Variants in NFIX observed in about 807,000 individuals in gnomAD.
The protein encoded by NFIX is nuclear factor I X.
A neutral mutation model predicts 53.3 loss-of-function variants in NFIX; 2 were observed. That is an observed-to-expected ratio of 0.04 (90% CI 0.02 to 0.12). NFIX has a LOEUF of 0.12. Ranked by LOEUF, NFIX falls within the 10% of genes least tolerant of loss-of-function variation. The pLI, the probability that NFIX is intolerant of heterozygous loss-of-function variation, is 1.00. For synonymous variants in NFIX, 244 were observed against 289.0 expected, an observed-to-expected ratio of 0.84 and a Z score of 1.58; for missense variants, 310 against 674.5, an observed-to-expected ratio of 0.46 and a Z score of 5.99.
Position 13,093,235 on chromosome 19 carries a change from G to A in NFIX, c.1495-1400G>A, listed in dbSNP as rs952595309. On this transcript the variant is annotated intron_variant, in intron 10 of 10. Coordinates refer to ENST00000592199, the MANE Select transcript of NFIX (RefSeq NM_001365902.3). This position sits in a 1 kb window ranked among gnomAD's most constrained non-coding sequence, Gnocchi z 4.7. ...GAGAACATTTCCATTGTCACAGAAAGTGCTAGATGATCTCCAAGGCCCTTT... is the reference window on the plus strand; with the variant it reads ...GAGAACATTTCCATTGTCACAGAAAATGCTAGATGATCTCCAAGGCCCTTT... Among the ~76,000 whole-genome samples the A allele has an allele frequency of 1.3e-5, 2 of 152,242 alleles. No homozygotes were observed. The highest frequency in any genetic ancestry group is 2.9e-5 in the Non-Finnish European group (2 of 68,048).
At chr19:13,033,432 C>T (rs2013961666) in intron 2 of NFIX, among the ~76,000 whole-genome samples, 1 of 152,198 alleles carries the variant, frequency 6.6e-6, no homozygotes, top group African/African-American at 2.4e-5. Flanking sequence ...CACCAGCTGC[C>T]ATGGACTATC....
intron 2 of NFIX, among the ~76,000 whole-genome samples, chr19:13,044,320 GGTGGGAT>G (rs2014841602): frequency 6.6e-6 from 1 of 152,228 alleles, no homozygotes; most frequent in African/African-American, 2.4e-5. Flanking sequence ...CGCAGTCGTG[GGTGGGAT>G]GCATATGTTC....
intron 2 of NFIX, among the ~76,000 whole-genome samples, chr19:13,064,328 T>C (rs996357972): frequency 6.6e-6 from 1 of 152,232 alleles, no homozygotes; most frequent in African/African-American, 2.4e-5. Context: ...CCCATGGGCC[T>C]GTGCCTGTGC....
chr19:13,008,732 C>G (rs991710081), intron 1 of NFIX, among the ~76,000 whole-genome samples: 1 of 152,144 alleles, frequency 6.6e-6, no homozygotes, highest in Admixed American at 6.6e-5. Flanking sequence ...ATGCTCTGAG[C>G]CCCCTGATGA....
chr19:13,000,572 G>A (rs77543210), intron 1 of NFIX, among the ~76,000 whole-genome samples: 12,463 of 151,822 alleles, frequency 0.082, 690 homozygotes, highest in Non-Finnish European at 0.12. Flanking sequence ...GGGGCAGGAG[G>A]GGAGAGACGA....
chr19:13,009,492 A>C lies in NFIX; in HGVS notation c.27+13628A>C, dbSNP rs1157858279. ...GATTCCCAGGAGTGAGCAAGACTTA[A>C]ACAGGTTCACTCCAGCTTTTCATCC... On this transcript the variant is annotated intron_variant, in intron 1 of 10. Transcript: ENST00000592199. This position sits in a 1 kb window ranked among gnomAD's most constrained non-coding sequence, Gnocchi z 4.7. Among the ~76,000 whole-genome samples, 3 of 152,134 alleles carry C rather than the reference A, an allele frequency of 2.0e-5. No individual in the cohort carries two copies. Among genetic ancestry groups the C allele is most frequent in the Non-Finnish European group, 4.4e-5 (3 of 68,016 alleles).
At chr19:13,082,041 G>A (rs2017502091) in intron 8 of NFIX, 186 bp downstream of exon 8, 3 of 649,236 alleles carry the variant, frequency 4.6e-6, no homozygotes. Flanking sequence ...TATTATGCCA[G>A]GGCTTGTCTA....
Position 13,011,788 on chromosome 19 carries a change from C to T in NFIX, c.28-13233C>T, listed in dbSNP as rs925974270. On this transcript the variant is annotated intron_variant, in intron 1 of 10. Transcript: ENST00000592199. The surrounding 1 kb of genome is among the most constrained non-coding windows in gnomAD (Gnocchi z 6.5). ...CCAAGTGCGCCCCTCGACAGGTGCC[C>T]GTCGCCCACAGGCTCCTTTCATTGT... Among the ~76,000 whole-genome samples the T allele has an allele frequency of 3.9e-5, 6 of 152,162 alleles. No individual in the cohort carries two copies. The highest frequency in any genetic ancestry group is 1.2e-4 in the African/African-American group (5 of 41,438).
At position 13,081,827 on chromosome 19, in the gene NFIX, CG is replaced by C; in HGVS notation, c.1228del (p.Asp410MetfsTer53). On this transcript the variant is annotated frameshift_variant, in exon 8 of 11. Transcript: ENST00000592199. LOFTEE classifies it high-confidence loss of function. This position sits in a 1 kb window ranked among gnomAD's most constrained non-coding sequence, Gnocchi z 4.7. ...SLKEFVQFVCSDGSGQATGQP... is the reference protein window; with the variant it reads ...SLKEFVQFVCXDGSGQATGQP... ...AAGGAGTTTGTGCAGTTTGTGTGCT[CG>C]GATGGCTCGGGCCAGGCCACCGGAC... The C allele has an allele frequency of 6.2e-7, 1 of 1,613,938 alleles. No individual in the cohort carries two copies. The highest frequency in any genetic ancestry group is 2.2e-5 in the East Asian group (1 of 44,876).
rs891380050 is a variant in NFIX at position 12,996,628 on chromosome 19, TC to T, written c.27+765del. On this transcript the variant is annotated intron_variant, in intron 1 of 10. Transcript: ENST00000592199. The surrounding 1 kb of genome is among the most constrained non-coding windows in gnomAD (Gnocchi z 5.2). ...CCCAAACTTTCCTCGGCGCAAACTT[TC>T]TGGCCCCAGCGACCCGGGCTGCTGC... Among the ~76,000 whole-genome samples, 4 of 152,144 alleles carry T rather than the reference TC, an allele frequency of 2.6e-5. No individual in the cohort carries two copies. The highest frequency in any genetic ancestry group is 9.7e-5 in the African/African-American group (4 of 41,436).
chr19:13,003,887 G>A (rs1011525187), intron 1 of NFIX, among the ~76,000 whole-genome samples: 1 of 152,020 alleles, frequency 6.6e-6, no homozygotes, highest in Non-Finnish European at 1.5e-5. Context: ...CAGTTCTCCC[G>A]CTTCACCCTC....
chr19:13,038,903 G>T (rs2014407697), intron 2 of NFIX, among the ~76,000 whole-genome samples: 1 of 152,180 alleles, frequency 6.6e-6, no homozygotes, highest in South Asian at 2.1e-4. Context: ...TTTGAGTTTG[G>T]ACTTGAGATT....
At chr19:13,065,475 T>C (rs1465557231) in intron 2 of NFIX, among the ~76,000 whole-genome samples, 1 of 152,164 alleles carries the variant, frequency 6.6e-6, no homozygotes, top group African/African-American at 2.4e-5. Context: ...CTAGGTTTGG[T>C]GCTGGGTCAC....
Position 13,072,929 on chromosome 19 carries a change from T to G in NFIX, c.560-118T>G. The G allele has an allele frequency of 1.0e-6, 1 of 983,178 alleles. No individual in the cohort carries two copies. The highest frequency in any genetic ancestry group is 1.6e-6 in the Non-Finnish European group (1 of 609,268). The allele number at this position is 983,178 out of a possible 1,614,324, so 60.9% of individuals were successfully genotyped here. A position where few individuals can be genotyped will look rare whatever the true frequency, so the allele number is the denominator to read the frequency against. On this transcript the variant is annotated intron_variant, in intron 2 of 10. Transcript: ENST00000592199. The surrounding 1 kb of genome is among the most constrained non-coding windows in gnomAD (Gnocchi z 4.0). ...TTTGGGGAGAGGGTGGGGTGAAGGT[T>G]TCTGTAGCCAGGGTGGGCCGTCCCT...
At chr19:13,075,448 A>G (rs2017037675) in intron 5 of NFIX, 87 bp from the exon 6 acceptor site, 1 of 1,475,468 alleles carries the variant, frequency 6.8e-7, no homozygotes, top group Non-Finnish European at 9.2e-7. Context: ...AGGGCCATCT[A>G]TGCACAGTTC....
At position 13,089,163 on chromosome 19, in the gene NFIX, A is replaced by T. The variant is rs2017984317; in HGVS notation, c.1402+1027A>T. On this transcript the variant is annotated intron_variant, in intron 9 of 10. Coordinates refer to ENST00000592199, the MANE Select transcript of NFIX (RefSeq NM_001365902.3). This position sits in a 1 kb window ranked among gnomAD's most constrained non-coding sequence, Gnocchi z 4.8. ...CCATCTGCATCCACCATAAGACATG[A>T]AGTCACAGTCATTGGAGGTGGGCAG... Among the ~76,000 whole-genome samples the T allele has an allele frequency of 6.6e-6, 1 of 152,062 alleles. No individual in the cohort carries two copies. The highest frequency in any genetic ancestry group is 1.5e-5 in the Non-Finnish European group (1 of 68,006).
At position 13,068,584 on chromosome 19, in the gene NFIX, C is replaced by A. The variant is rs572700706; in HGVS notation, c.560-4463C>A. Among the ~76,000 whole-genome samples the A allele has an allele frequency of 1.3e-5, 2 of 152,222 alleles. No homozygotes were observed. Among genetic ancestry groups the A allele is most frequent in the Admixed American group, 6.5e-5 (1 of 15,286 alleles). ...TGGGCACTGCCAGAGGCCTCCAGCCCACAAGCTGTTGTTGCTGTGGAATGA... is the reference window on the plus strand; with the variant it reads ...TGGGCACTGCCAGAGGCCTCCAGCCAACAAGCTGTTGTTGCTGTGGAATGA... On this transcript the variant is annotated intron_variant, in intron 2 of 10. Coordinates refer to ENST00000592199, the MANE Select transcript of NFIX (RefSeq NM_001365902.3). The surrounding 1 kb of genome is among the most constrained non-coding windows in gnomAD (Gnocchi z 4.2).
Position 13,068,996 on chromosome 19 carries a change from G to A in NFIX, c.560-4051G>A, listed in dbSNP as rs980245322. 2.0e-5 allele frequency among the ~76,000 whole-genome samples: 3 copies of A among 152,346 alleles called. No individual in the cohort carries two copies. The highest frequency in any genetic ancestry group is 2.4e-5 in the African/African-American group (1 of 41,576). On this transcript the variant is annotated intron_variant, in intron 2 of 10. Coordinates refer to ENST00000592199, the MANE Select transcript of NFIX (RefSeq NM_001365902.3). This position sits in a 1 kb window ranked among gnomAD's most constrained non-coding sequence, Gnocchi z 4.2. ...TGCCAGCCTGGCCAAGGCACCTGTC[G>A]GACACAGCGGCTGGGCTCAGGTTTT...
intron 1 of NFIX, among the ~76,000 whole-genome samples, chr19:13,017,977 CG>C (rs1423649861): frequency 3.3e-5 from 5 of 152,296 alleles, no homozygotes; most frequent in African/African-American, 9.6e-5. Context: ...TCACGCACTT[CG>C]GAAGGTTTCA....
Sources: allele counts gnomAD v4.1 joint callset (sites outside exome capture counted in the v4.1 genomes callset), GRCh38; gene constraint gnomAD v4.1.1; non-coding constraint Gnocchi (gnomAD v3.1); transcripts MANE v1.5; gene names NCBI Gene and HGNC (gene_info 2026-07-23, HGNC 2026-07-21).